Variants in ASIC2 observed in about 807,000 individuals in gnomAD.
The protein encoded by ASIC2 is acid sensing ion channel subunit 2, also known as acid-sensing ion channel 2.
ASIC2 carries 25 observed loss-of-function variants against 57.3 expected under a neutral mutation model. That is an observed-to-expected ratio of 0.44 (90% CI 0.32 to 0.61). The LOEUF is 0.61. ASIC2 is among the 20% of genes least tolerant of loss of function. ASIC2 has a pLI of 0.06. For synonymous variants in ASIC2, 319 were observed against 307.5 expected, an observed-to-expected ratio of 1.04 and a Z score of -0.39; for missense variants, 641 against 738.1, an observed-to-expected ratio of 0.87 and a Z score of 1.52.
intron 1 of ASIC2, chr17:33,680,523 T>A (rs1395900664): frequency 6.6e-6 from 1 of 152,262 alleles, no homozygotes; most frequent in Admixed American, 6.5e-5. Flanking sequence ...TCTCAAGTTC[T>A]CCCAGGGGCC....
At chr17:33,114,303 T>C (rs1391462500) in intron 1 of ASIC2, among the ~76,000 whole-genome samples, 1 of 152,178 alleles carries the variant, frequency 6.6e-6, no homozygotes, top group Non-Finnish European at 1.5e-5. Flanking sequence ...ACTTATCCCA[T>C]GGAGACGTGT....
intron 1 of ASIC2, among the ~76,000 whole-genome samples, chr17:33,841,253 G>T (rs901118765): frequency 6.6e-6 from 1 of 152,240 alleles, no homozygotes; most frequent in Non-Finnish European, 1.5e-5. Context: ...GTCGGGGAAG[G>T]TGTAGACATG....
At chr17:34,130,449 T>C (rs1276271059) in intron 1 of ASIC2, among the ~76,000 whole-genome samples, 1 of 152,238 alleles carries the variant, frequency 6.6e-6, no homozygotes, top group African/African-American at 2.4e-5. Flanking sequence ...ACAGAACCTA[T>C]ATCTAACTAG....
intron 1 of ASIC2, among the ~76,000 whole-genome samples, chr17:33,133,148 C>T (rs559267815): frequency 6.6e-6 from 1 of 152,256 alleles, no homozygotes; most frequent in African/African-American, 2.4e-5. Flanking sequence ...CCTGAGCGAT[C>T]AGAAAAGGCT....
At chr17:33,722,273 T>C (rs938829959) in intron 1 of ASIC2, among the ~76,000 whole-genome samples, 3 of 152,214 alleles carry the variant, frequency 2.0e-5, no homozygotes, top group Non-Finnish European at 4.4e-5. Context: ...ACTTGGCTCC[T>C]CATTTGCTTT....
Position 33,861,822 on chromosome 17 carries a change from C to T in ASIC2, c.555+294156G>A, listed in dbSNP as rs143493323. 1.4e-3 allele frequency among the ~76,000 whole-genome samples: 219 copies of T among 152,294 alleles called. 3 individuals are homozygous for T. The South Asian group carries it at 0.031, about 21-fold the overall frequency. ...ACATGATGTCTTGCTACAATAGATG[C>T]AATATCCCTGCACAGAAAACTTCAC... On this transcript the variant is annotated intron_variant, in intron 1 of 9. Coordinates refer to the ASIC2 transcript ENST00000359872.
At chr17:33,203,723 C>G (rs1456328822) in intron 1 of ASIC2, among the ~76,000 whole-genome samples, 6 of 152,160 alleles carry the variant, frequency 3.9e-5, no homozygotes, top group Non-Finnish European at 8.8e-5. Context: ...ATAGTACAGG[C>G]TCACTCCTCA....
intron 1 of ASIC2, among the ~76,000 whole-genome samples, chr17:33,468,195 C>A (rs1482291559): frequency 6.6e-6 from 1 of 152,210 alleles, no homozygotes; most frequent in Non-Finnish European, 1.5e-5. Flanking sequence ...CACTCCCCAG[C>A]CACGATGGAT....
Position 33,056,391 on chromosome 17 carries a change from T to G in ASIC2, c.988-27999A>C, listed in dbSNP as rs531557831. Among the ~76,000 whole-genome samples the G allele has an allele frequency of 4.6e-5, 7 of 152,366 alleles. No individual in the cohort carries two copies. In the East Asian group the frequency reaches 1.4e-3, roughly 29 times the overall value. On this transcript the variant is annotated intron_variant, in intron 3 of 9. Coordinates refer to ENST00000225823, the MANE Select transcript of ASIC2 (RefSeq NM_183377.2). ...AAAAATGGACATGCTTAATGTTGTTTGCTTGACCATAACCCCTGACAGTTT... is the reference window on the plus strand; with the variant it reads ...AAAAATGGACATGCTTAATGTTGTTGGCTTGACCATAACCCCTGACAGTTT...
chr17:33,662,497 C>T (rs917104295), intron 1 of ASIC2, among the ~76,000 whole-genome samples: 4 of 150,616 alleles, frequency 2.7e-5, no homozygotes, highest in African/African-American at 7.4e-5. Flanking sequence ...GGGGGGGGCA[C>T]CTGTAATCCC....
intron 2 of ASIC2, among the ~76,000 whole-genome samples, chr17:33,090,517 A>G (rs1005079497): frequency 1.3e-5 from 2 of 152,214 alleles, no homozygotes; most frequent in Non-Finnish European, 2.9e-5. Flanking sequence ...AGGCCAAATC[A>G]AGGAATGTTC....
intron 1 of ASIC2, among the ~76,000 whole-genome samples, chr17:33,142,769 A>G (rs1256172472): frequency 6.6e-6 from 1 of 152,202 alleles, no homozygotes; most frequent in Non-Finnish European, 1.5e-5. Context: ...TTATTTTATC[A>G]TGTGTCTGAA....
At chr17:33,374,938 C>A (rs1357298974) in intron 1 of ASIC2, among the ~76,000 whole-genome samples, 2 of 152,152 alleles carry the variant, frequency 1.3e-5, no homozygotes, top group Non-Finnish European at 2.9e-5. Context: ...ATTTTACCGA[C>A]AAGGAAACAG....
chr17:33,138,954 TG>T (rs1158630500), intron 1 of ASIC2, among the ~76,000 whole-genome samples: 1 of 152,198 alleles, frequency 6.6e-6, no homozygotes, highest in African/African-American at 2.4e-5. Context: ...AGTGCCAGCC[TG>T]GGGATCAGAA....
chr17:33,661,066 C>T (rs963024705), intron 1 of ASIC2, among the ~76,000 whole-genome samples: 8 of 152,170 alleles, frequency 5.3e-5, no homozygotes, highest in Non-Finnish European at 1.2e-4. Flanking sequence ...CTCTGTTTGA[C>T]CCAGCTCCCG....
chr17:33,104,245 G>C (rs1393809433), intron 2 of ASIC2, among the ~76,000 whole-genome samples: 1 of 152,132 alleles, frequency 6.6e-6, no homozygotes. Flanking sequence ...GTCTAGGAAG[G>C]GGGCCTCCCA....
Position 33,903,129 on chromosome 17 carries a change from A to G in ASIC2, c.555+252849T>C, listed in dbSNP as rs569948126. On this transcript the variant is annotated intron_variant, in intron 1 of 9. Transcript: ENST00000359872. ...ACCATAAACACTGCAGTGACAATTT[A>G]TTCCTTTCCAGCAGCCATAAAAATC... 3.9e-5 allele frequency among the ~76,000 whole-genome samples: 6 copies of G among 152,316 alleles called. No homozygotes were observed. The South Asian group carries it at 1.0e-3, about 26-fold the overall frequency.
chr17:33,160,123 T>G (rs1465383768), intron 1 of ASIC2, among the ~76,000 whole-genome samples: 1 of 151,832 alleles, frequency 6.6e-6, no homozygotes, highest in Non-Finnish European at 1.5e-5. Context: ...GTGGGAGGAT[T>G]GCTTGAGCCT....
chr17:34,083,261 G>C (rs953187986), intron 1 of ASIC2, among the ~76,000 whole-genome samples: 16 of 149,932 alleles, frequency 1.1e-4, no homozygotes, highest in East Asian at 4.0e-4. Flanking sequence ...CTATGAGTGA[G>C]AATATGCGGT....
Sources: gnomAD v4.1 joint callset for allele counts (sites outside exome capture counted in the v4.1 genomes callset) on GRCh38, gnomAD v4.1.1 for gene constraint, MANE v1.5 for transcripts, NCBI Gene and HGNC (gene_info 2026-07-23, HGNC 2026-07-21) for gene names.